The following UNC13B variants were observed in gnomAD, a reference collection of about 807,000 sequenced individuals.
UNC13B encodes unc-13 homolog B, also known as protein unc-13 homolog B.
A neutral mutation model predicts 211.0 loss-of-function variants in UNC13B; 144 were observed. The observed-to-expected ratio is 0.68, with a 90% CI of 0.60 to 0.78. UNC13B has a LOEUF of 0.78. Ranked by LOEUF, UNC13B falls within the 30% of genes least tolerant of loss-of-function variation. The probability of loss-of-function intolerance (pLI) is 0.00; values close to 1 mark genes in which losing one functional copy is unlikely to be tolerated. For missense variants in UNC13B, 1,777 were observed against 2,002.0 expected (o/e 0.89, Z 2.14); for synonymous variants, 709 against 725.8 (o/e 0.98, Z 0.37).
rs1236888338 is a variant in UNC13B at position 35,304,018 on chromosome 9, A to G, written c.4614A>G (p.Gln1538=). 2 of 398,696 alleles carry G rather than the reference A, an allele frequency of 5.0e-6. No homozygotes were observed. Among genetic ancestry groups the G allele is most frequent in the East Asian group, 3.6e-5 (1 of 28,080 alleles). The allele number at this position is 398,696 out of a possible 1,614,324, so 24.7% of individuals were successfully genotyped here. ...DYGYYMFHDG[Q]YIYSLLTDST... ...GATATTATATGTTTCATGATGGTCA[A>G]TATATCTATTCTCTTCTCACTGATT... Residue 1538 remains glutamine (Q), a synonymous_variant, in exon 9 of 40, where the codon CAA becomes CAG. Coordinates refer to ENST00000635942, the MANE Select transcript of UNC13B (RefSeq NM_001371189.2).
chr9:35,245,492 TC>T (rs1330400847), intron 6 of UNC13B, among the ~76,000 whole-genome samples: 10 of 71,412 alleles, frequency 1.4e-4, no homozygotes, highest in African/African-American at 2.2e-4. Flanking sequence ...ATGCTATCCC[TC>T]CCCCCCTCCC....
intron 1 of UNC13B, among the ~76,000 whole-genome samples, chr9:35,162,913 A>G (rs1820855444): frequency 6.6e-6 from 1 of 152,192 alleles, no homozygotes; most frequent in Admixed American, 6.5e-5. Flanking sequence ...CAGTAACTCA[A>G]GGTGAAGGGC....
intron 6 of UNC13B, among the ~76,000 whole-genome samples, chr9:35,244,082 A>G (rs1564088787): frequency 1.3e-5 from 2 of 152,122 alleles, no homozygotes; most frequent in South Asian, 4.1e-4. Context: ...GAATGGAAAA[A>G]CTTGCTCAGG....
Position 35,396,864 on chromosome 9 carries a change from A to G in UNC13B, c.11459A>G (p.Gln3820Arg), listed in dbSNP as rs1835914785. ...YPAWFEQFVL[Q>R]WLDENEDVSL... ...AGGTGGTTTGAGCAGTTCGTGCTAC[A>G]ATGGCTGGATGAGAATGAGGATGTA... Residue 3820 changes from glutamine to arginine, a missense_variant, in exon 28 of 40, where the codon CAA (glutamine) becomes CGA (arginine). Coordinates refer to ENST00000635942, the MANE Select transcript of UNC13B (RefSeq NM_001371189.2). The G allele has an allele frequency of 1.9e-6, 3 of 1,614,128 alleles. No homozygotes were observed. The highest frequency in any genetic ancestry group is 4.5e-5 in the East Asian group (2 of 44,872).
chr9:35,174,609 A>G (rs10972369), intron 1 of UNC13B, among the ~76,000 whole-genome samples: 123,513 of 150,872 alleles, frequency 0.82, 50,794 homozygotes, highest in East Asian at 0.98. Flanking sequence ...GTGCAGTGGC[A>G]CGATCTTGGC....
chr9:35,311,446 T>C (rs1830177619), intron 10 of UNC13B, among the ~76,000 whole-genome samples: 1 of 152,212 alleles, frequency 6.6e-6, no homozygotes, highest in Non-Finnish European at 1.5e-5. Context: ...CTTCCTAACC[T>C]ATTAAGAATG....
chr9:35,298,648 C>G (rs879621952), intron 8 of UNC13B, among the ~76,000 whole-genome samples: 1 of 152,136 alleles, frequency 6.6e-6, no homozygotes, highest in Admixed American at 6.5e-5. Context: ...GACTAAGTGT[C>G]TGCTTTGATC....
chr9:35,249,351 T>G (rs1826314400), intron 6 of UNC13B, among the ~76,000 whole-genome samples: 1 of 152,200 alleles, frequency 6.6e-6, no homozygotes, highest in African/African-American at 2.4e-5. Flanking sequence ...TTTAGCCCAT[T>G]TACATTTAAG....
chr9:35,232,751 G>C (rs1011211894), intron 3 of UNC13B, among the ~76,000 whole-genome samples: 1 of 152,150 alleles, frequency 6.6e-6, no homozygotes, highest in African/African-American at 2.4e-5. Flanking sequence ...ACCTAAAGCT[G>C]GCACTCAGGG....
chr9:35,217,391 T>G (rs959470334), intron 1 of UNC13B, among the ~76,000 whole-genome samples: 11 of 150,348 alleles, frequency 7.3e-5, no homozygotes, highest in Admixed American at 6.6e-5. Context: ...TTGTTTGTTT[T>G]TTTTGTTTTT....
intron 17 of UNC13B, among the ~76,000 whole-genome samples, chr9:35,379,524 C>T (rs532608428): frequency 6.6e-6 from 1 of 152,158 alleles, no homozygotes; most frequent in South Asian, 2.1e-4. Flanking sequence ...TTAATAGCTA[C>T]CAGGAGAAAC....
rs761702116 is a variant in UNC13B at position 35,377,491 on chromosome 9, C to T, written c.9859C>T (p.His3287Tyr). The T allele has an allele frequency of 2.5e-6, 4 of 1,614,220 alleles. No individual in the cohort carries two copies. The highest frequency in any genetic ancestry group is 2.5e-6 in the Non-Finnish European group (3 of 1,180,044). Residue 3287 changes from histidine (H) to tyrosine (Y), a missense_variant, in exon 16 of 40, where the codon CAT (histidine) becomes TAT (tyrosine). Physicochemically the swap from His to Tyr is moderately conservative, Grantham distance 83. Transcript: ENST00000635942. ...LQRAAEKSCK[H>Y]GAEDRTQNII... Reference sequence around the variant, plus strand: ...AGGGGCTGCAGAAAAGAGCTGTAAACATGGAGCTGAGGACCGGACCCAGAA... The same window carrying T: ...AGGGGCTGCAGAAAAGAGCTGTAAATATGGAGCTGAGGACCGGACCCAGAA...
chr9:35,246,825 G>A (rs928284327), intron 6 of UNC13B, among the ~76,000 whole-genome samples: 6 of 152,138 alleles, frequency 3.9e-5, no homozygotes, highest in Admixed American at 6.6e-5. Context: ...GATTGACTTG[G>A]CAATGTGGGC....
At chr9:35,276,632 A>C (rs1260611311) in intron 7 of UNC13B, among the ~76,000 whole-genome samples, 1 of 152,206 alleles carries the variant, frequency 6.6e-6, no homozygotes, top group Non-Finnish European at 1.5e-5. Flanking sequence ...AAAAATAGAA[A>C]TACGTAACAT....
chr9:35,206,250 TTAAC>T (rs1012979092), intron 1 of UNC13B, among the ~76,000 whole-genome samples: 7 of 152,156 alleles, frequency 4.6e-5, no homozygotes, highest in South Asian at 2.1e-4. Context: ...TAACATACAA[TTAAC>T]TATTTGAAAG....
rs1587708886 is a variant in UNC13B, at chr9:35,367,144, A to G, written c.9461+151A>G. The G allele has an allele frequency of 4.2e-6, 3 of 721,660 alleles. No individual in the cohort carries two copies. The East Asian group carries it at 8.1e-5, about 20-fold the overall frequency. 44.7% of individuals were successfully genotyped at this position (721,660 alleles called of 1,614,324 possible). On this transcript the variant is annotated intron_variant, in intron 12 of 39. Transcript: ENST00000635942. ...TATAGGTTGGTTGGTTCTCTGAGGC[A>G]GAGGAGAGAACTCTGCTGATGGATT...
chr9:35,175,427 G>C (rs1821569628), intron 1 of UNC13B, among the ~76,000 whole-genome samples: 3 of 152,232 alleles, frequency 2.0e-5, no homozygotes, highest in Admixed American at 2.0e-4. Flanking sequence ...CAGAAGAGGA[G>C]TTGATAGATG....
chr9:35,194,576 T>C (rs779318089), intron 1 of UNC13B, among the ~76,000 whole-genome samples: 2 of 152,216 alleles, frequency 1.3e-5, no homozygotes, highest in African/African-American at 2.4e-5. Context: ...ATCTCACATC[T>C]GAGTCTTTAA....
In UNC13B at chr9:35,303,240, A is replaced by G; in HGVS notation, c.3836A>G (p.Gln1279Arg). 2.5e-6 allele frequency: 1 copy of G among 398,626 alleles called. No homozygotes were observed. Among genetic ancestry groups the G allele is most frequent in the East Asian group, 3.6e-5 (1 of 28,064 alleles). 24.7% of individuals were successfully genotyped at this position (398,626 alleles called of 1,614,324 possible). A position where few individuals can be genotyped will look rare whatever the true frequency, so the allele number is the denominator to read the frequency against. The stretch of plus-strand genomic sequence containing the variant: ...TGTTCCCCTACAGAGAAAAACCAGC[A>G]AAGTGAAAAGCATCACCCCTCCTCT... ...HYCSPTEKNQ[Q>R]SEKHHPSSEN... Residue 1279 changes from glutamine (Q) to arginine (R), a missense_variant, in exon 9 of 40, where the codon CAA (glutamine) becomes CGA (arginine). Coordinates refer to ENST00000635942, the MANE Select transcript of UNC13B (RefSeq NM_001371189.2).
Sources: gnomAD v4.1 joint callset for allele counts (sites outside exome capture counted in the v4.1 genomes callset) on GRCh38, gnomAD v4.1.1 for gene constraint, MANE v1.5 for transcripts, NCBI Gene and HGNC (gene_info 2026-07-23, HGNC 2026-07-21) for gene names.